The following AKIRIN1 variants were observed in gnomAD, a reference collection of about 807,000 sequenced individuals.
AKIRIN1 encodes the protein akirin 1, also known as akirin-1.
AKIRIN1 carries 4 observed loss-of-function variants against 25.9 expected under a neutral mutation model. The observed-to-expected ratio is 0.15, with a 90% confidence interval of 0.08 to 0.35. The LOEUF is 0.35. AKIRIN1 is among the 10% of genes least tolerant of loss of function. The probability of loss-of-function intolerance (pLI) is 1.00; values close to 1 mark genes in which losing one functional copy is unlikely to be tolerated. For missense variants in AKIRIN1, 243 were observed against 266.1 expected (o/e 0.91, Z 0.61); for synonymous variants, 125 against 105.1 (o/e 1.19, Z -1.16).
chr1:38,998,074 G>A (rs1643960772), intron 1 of AKIRIN1, 97 bp from the exon 2 acceptor site: 2 of 1,341,126 alleles, frequency 1.5e-6, no homozygotes, highest in Non-Finnish European at 2.0e-6. Flanking sequence ...AGTATCTAAA[G>A]TCTAGTCAGA....
chr1:38,991,576 A>C lies in AKIRIN1; in HGVS notation c.196A>C (p.Ser66Arg). 7.8e-7 allele frequency: 1 copy of C among 1,281,054 alleles called. No individual in the cohort carries two copies. Among genetic ancestry groups the C allele is most frequent in the Non-Finnish European group, 9.9e-7 (1 of 1,010,632 alleles). The allele number at this position is 1,281,054 out of a possible 1,614,324, so 79.4% of individuals were successfully genotyped here. The part of the protein sequence containing the change: ...QSLQQPAPPG[S>R]ERRLPTPEQI... Reference sequence around the variant, plus strand: ...TCTGCAGCAGCCCGCCCCGCCCGGCAGCGAGCGGCGCCTTCCAACTCCGGG... The same window carrying C: ...TCTGCAGCAGCCCGCCCCGCCCGGCCGCGAGCGGCGCCTTCCAACTCCGGG... Residue 66 changes from serine to arginine, a missense_variant, in exon 1 of 5, where the codon AGC becomes CGC. By Grantham distance (110) the Ser-to-Arg change is moderately radical. This residue lies in a region of AKIRIN1 where 190 missense variants were observed against 174.4 expected (regional missense o/e 1.09). Coordinates refer to ENST00000432648, the MANE Select transcript of AKIRIN1 (RefSeq NM_024595.3).
intron 1 of AKIRIN1, 141 bp downstream of exon 1, chr1:38,991,741 C>G: frequency 9.9e-7 from 1 of 1,009,254 alleles, no homozygotes; most frequent in Middle Eastern, 3.6e-4. Flanking sequence ...TGGGATGCCG[C>G]TGGGCCTGGT....
At chr1:38,996,034 A>C (rs573120878) in intron 1 of AKIRIN1, among the ~76,000 whole-genome samples, 2 of 152,328 alleles carry the variant, frequency 1.3e-5, no homozygotes, top group South Asian at 4.1e-4. Context: ...ACTCTCTTAA[A>C]AAATAAAGTG....
At chr1:39,000,416 C>T (rs1295305218) in intron 2 of AKIRIN1, among the ~76,000 whole-genome samples, 1 of 139,390 alleles carries the variant, frequency 7.2e-6, no homozygotes, top group African/African-American at 2.7e-5. Context: ...TGTGTGATCT[C>T]GGCTCACTGC....
In AKIRIN1 at chr1:38,998,244, T is replaced by C. The variant is rs1436092244; in HGVS notation, c.294T>C (p.Asn98=). The change falls in exon 2 of 5, where the codon AAT becomes AAC. Residue 98 remains asparagine, a synonymous_variant. Transcript: ENST00000432648. Reference sequence around the variant, plus strand: ...GGAGACATTTAGAAGTTGTTCTTAATCAGAGTGAAGCTTGTGCTTCGGAAA... The same window carrying C: ...GGAGACATTTAGAAGTTGTTCTTAACCAGAGTGAAGCTTGTGCTTCGGAAA... The part of the protein sequence containing the change: ...QRWRHLEVVL[N]QSEACASESQ... 6.2e-7 allele frequency: 1 copy of C among 1,614,100 alleles called. No homozygotes were observed. The highest frequency in any genetic ancestry group is 1.1e-5 in the South Asian group (1 of 91,070).
chr1:38,998,988 A>G (rs761715078), intron 2 of AKIRIN1, among the ~76,000 whole-genome samples: 6 of 152,160 alleles, frequency 3.9e-5, no homozygotes, highest in African/African-American at 4.8e-5. Context: ...AGATATTTCC[A>G]TAATTGCAGA....
At chr1:39,003,876 C>T (rs1480668320) in intron 4 of AKIRIN1, among the ~76,000 whole-genome samples, 169 bp from the exon 5 acceptor site, 1 of 152,188 alleles carries the variant, frequency 6.6e-6, no homozygotes, top group African/African-American at 2.4e-5. Context: ...AGTTGTATAT[C>T]TAACTGAATT....
At position 39,006,031 on chromosome 1, in the gene AKIRIN1, T is replaced by A. The variant is rs941613134; in HGVS notation, c.*1976T>A. On this transcript the variant is annotated 3_prime_UTR_variant, in exon 5 of 5. Transcript: ENST00000432648. ...AAAAAGCCCAACAGTGATTTTTTTT[T>A]AATAATTAAAGAATGATTTTACTTT... is the stretch of plus-strand genomic sequence containing the variant. 16 of 152,152 alleles carry A rather than the reference T, an allele frequency of 1.1e-4. No individual in the cohort carries two copies. Among genetic ancestry groups the A allele is most frequent in the Non-Finnish European group, 1.9e-4 (13 of 68,026 alleles). 9.4% of individuals were successfully genotyped at this position (152,152 alleles called of 1,614,324 possible). A position where few individuals can be genotyped will look rare whatever the true frequency, so the allele number is the denominator to read the frequency against.
chr1:38,994,962 T>G (rs1198303442), intron 1 of AKIRIN1, among the ~76,000 whole-genome samples: 1 of 152,076 alleles, frequency 6.6e-6, no homozygotes, highest in African/African-American at 2.4e-5. Context: ...AGTGCTGGGA[T>G]TACAGGCATG....
intron 2 of AKIRIN1, 22 bp downstream of exon 2, chr1:38,998,333 A>T: frequency 1.9e-6 from 3 of 1,584,710 alleles, no homozygotes; most frequent in Non-Finnish European, 2.6e-6. Context: ...TTGATCTGCA[A>T]AATTCGCATT....
chr1:39,003,012 C>G (rs915503941), intron 3 of AKIRIN1, among the ~76,000 whole-genome samples: 1 of 152,184 alleles, frequency 6.6e-6, no homozygotes, highest in African/African-American at 2.4e-5. Context: ...TTCAAAGATT[C>G]ATGTCCCATG....
chr1:38,994,233 A>T (rs1208235135), intron 1 of AKIRIN1, among the ~76,000 whole-genome samples: 1 of 152,206 alleles, frequency 6.6e-6, no homozygotes, highest in Admixed American at 6.5e-5. Context: ...TCAATTGGTA[A>T]GTATAATGCA....
rs754677868 is a variant in AKIRIN1 at position 39,000,979 on chromosome 1, A to G, written c.369A>G (p.Ser123=). The G allele has an allele frequency of 3.1e-6, 5 of 1,610,904 alleles. No homozygotes were observed. The highest frequency in any genetic ancestry group is 2.5e-6 in the Non-Finnish European group (3 of 1,178,748). ...ALTAPSSPGS[S]WMKKDQPTFT... ...ACTTTTTCTTTTGGCCAGGTTCCTC[A>G]TGGATGAAGAAGGACCAGCCCACAT... is the stretch of plus-strand genomic sequence containing the variant. Residue 123 remains serine (S), a synonymous_variant, in exon 3 of 5, where the codon TCA becomes TCG. Transcript: ENST00000432648.
intron 2 of AKIRIN1, among the ~76,000 whole-genome samples, chr1:38,999,816 C>T (rs906337626): frequency 1.4e-4 from 21 of 152,170 alleles, no homozygotes; most frequent in Admixed American, 6.5e-5. Context: ...CTTTGAGGAA[C>T]ACCTGAGAAC....
chr1:38,998,722 G>A (rs1379902287), intron 2 of AKIRIN1, among the ~76,000 whole-genome samples: 1 of 151,976 alleles, frequency 6.6e-6, no homozygotes, highest in Non-Finnish European at 1.5e-5. Flanking sequence ...TGGCCAACAT[G>A]GCAAAACCTC....
At chr1:39,001,172 T>A (rs986596290) in intron 3 of AKIRIN1, 66 bp downstream of exon 3, 9 of 1,526,724 alleles carry the variant, frequency 5.9e-6, no homozygotes, top group Admixed American at 2.1e-5. Context: ...ACCAGTTAAA[T>A]AACTTAGAAA....
At position 39,000,889 on chromosome 1, in the gene AKIRIN1, C is replaced by A. The variant is rs1254868287; in HGVS notation, c.362-83C>A. On this transcript the variant is annotated intron_variant, in intron 2 of 4. Transcript: ENST00000432648. ...AGGCTGGTCTCCACCTCAGATGATC[C>A]GCCTGCCTTGGCCTCCCAAAGTGCT... 3 of 1,438,374 alleles carry A rather than the reference C, an allele frequency of 2.1e-6. No homozygotes were observed. The African/African-American group carries it at 4.3e-5, about 21-fold the overall frequency. 89.1% of individuals were successfully genotyped at this position (1,438,374 alleles called of 1,614,324 possible).
chr1:38,996,938 G>A (rs547871742), intron 1 of AKIRIN1, among the ~76,000 whole-genome samples: 2 of 152,328 alleles, frequency 1.3e-5, no homozygotes, highest in South Asian at 4.1e-4. Context: ...TTCCTGGACT[G>A]TACTGTCACT....
chr1:38,996,714 A>G (rs1461976313), intron 1 of AKIRIN1, among the ~76,000 whole-genome samples: 1 of 151,804 alleles, frequency 6.6e-6, no homozygotes, highest in Non-Finnish European at 1.5e-5. Context: ...TATTTTTAGT[A>G]GAGACGGTGT....
Sources: gnomAD v4.1 joint callset for allele counts (sites outside exome capture counted in the v4.1 genomes callset) on GRCh38, gnomAD v4.1.1 for gene constraint, gnomAD v4.1.1 regional missense constraint, MANE v1.5 for transcripts, NCBI Gene and HGNC (gene_info 2026-07-23, HGNC 2026-07-21) for gene names.